HDGFL2: variants seen among roughly 807,000 people sequenced by gnomAD.
HDGFL2 encodes hepatoma-derived growth factor-related protein 2.
In HDGFL2, 36 loss-of-function variants were observed where a neutral mutation model predicts 77.1. That is an observed-to-expected ratio of 0.47 (90% CI 0.36 to 0.62). The LOEUF (loss-of-function observed/expected upper bound fraction) is 0.62, where lower values mean the gene tolerates loss of function less well. Among genes scored for constraint, HDGFL2 ranks in the 20% least tolerant of loss-of-function variants. The probability of loss-of-function intolerance (pLI) is 0.00; values close to 1 mark genes in which losing one functional copy is unlikely to be tolerated. For synonymous variants in HDGFL2, 463 were observed against 413.1 expected (o/e 1.12, Z -1.46); for missense variants, 976 against 973.4 (o/e 1.00, Z -0.04).
At chr19:4,493,325 G>A (rs1975599462) in intron 6 of HDGFL2, among the ~76,000 whole-genome samples, 1 of 148,172 alleles carries the variant, frequency 6.7e-6, no homozygotes, top group Admixed American at 6.8e-5. Flanking sequence ...GTCTGTGTGT[G>A]GCGTGTGTGT....
Position 4,501,258 on chromosome 19 carries a change from C to T in HDGFL2, c.1857C>T (p.His619=), listed in dbSNP as rs748625705. ...QKGESAEDKE[H]EEGRDSEEGP... is the part of the protein sequence containing the mutation. ...GGGAGAGCGCAGAGGACAAGGAGCA[C>T]GAGGAGGGTCGGGACTCGGAGGAGG... is the stretch of plus-strand genomic sequence containing the variant. The change falls in exon 15 of 16, where the codon CAC becomes CAT. Residue 619 remains histidine (H), a synonymous_variant. Transcript: ENST00000616600. 8.7e-6 allele frequency: 14 copies of T among 1,613,298 alleles called. No homozygotes were observed. The highest frequency in any genetic ancestry group is 4.5e-5 in the East Asian group (2 of 44,874).
intron 3 of HDGFL2, among the ~76,000 whole-genome samples, chr19:4,476,485 G>C (rs529452939): frequency 6.6e-6 from 1 of 151,870 alleles, no homozygotes; most frequent in African/African-American, 2.4e-5. Flanking sequence ...GAGCCACTGC[G>C]CTTGGCCAGC....
At chr19:4,498,595 G>A (rs1975771308) in intron 12 of HDGFL2, among the ~76,000 whole-genome samples, 1 of 152,082 alleles carries the variant, frequency 6.6e-6, no homozygotes, top group South Asian at 2.1e-4. Context: ...CAGGTGGTGT[G>A]TGGAGGCCCC....
At chr19:4,481,171 C>G (rs1167986262) in intron 3 of HDGFL2, among the ~76,000 whole-genome samples, 50 of 140,268 alleles carry the variant, frequency 3.6e-4, no homozygotes, top group African/African-American at 5.0e-4. Context: ...ACAGGCGTCC[C>G]CCACCACGCC....
chr19:4,477,846 C>G (rs927182588), intron 3 of HDGFL2, among the ~76,000 whole-genome samples: 1 of 152,110 alleles, frequency 6.6e-6, no homozygotes, highest in African/African-American at 2.4e-5. Flanking sequence ...CTTTGGGAGG[C>G]TGTGGCTGGT....
chr19:4,490,230 G>A (rs896022249), intron 4 of HDGFL2, among the ~76,000 whole-genome samples: 1 of 152,188 alleles, frequency 6.6e-6, no homozygotes, highest in East Asian at 1.9e-4. Context: ...TGGGATTACA[G>A]GGGCCCGCTA....
At chr19:4,490,864 T>C (rs1182817713) in intron 4 of HDGFL2, among the ~76,000 whole-genome samples, 3 of 150,038 alleles carry the variant, frequency 2.0e-5, no homozygotes, top group Non-Finnish European at 4.4e-5. Context: ...CAGGCTGGAG[T>C]GTGATGGCGC....
At position 4,501,972 on chromosome 19, in the gene HDGFL2, G is replaced by A; in HGVS notation, c.1978G>A (p.Ala660Thr). Residue 660 changes from alanine to threonine, a missense_variant, in exon 16 of 16, where the codon GCA becomes ACA. Physicochemically the swap from Ala to Thr is moderately conservative, Grantham distance 58. Around this residue, in one of 5 missense-constraint regions of HDGFL2, gnomAD observed 229 missense variants for 187.3 expected, o/e 1.22. Coordinates refer to ENST00000616600, the MANE Select transcript of HDGFL2 (RefSeq NM_001001520.3). Reference protein sequence around the residue: ...PGSDRQERERARGDSEALDEE... With the variant: ...PGSDRQERERTRGDSEALDEE... ...GAGCGACCGGCAGGAGCGCGAGAGG[G>A]CACGGGGGGACTCGGAGGCCCTGGA... 6.6e-7 allele frequency: 1 copy of A among 1,512,444 alleles called. No homozygotes were observed. Among genetic ancestry groups the A allele is most frequent in the Admixed American group, 2.4e-5 (1 of 40,950 alleles). The allele number at this position is 1,512,444 out of a possible 1,614,324, so 93.7% of individuals were successfully genotyped here.
At chr19:4,484,419 T>G (rs371973863) in intron 3 of HDGFL2, among the ~76,000 whole-genome samples, 6 of 152,210 alleles carry the variant, frequency 3.9e-5, no homozygotes, top group African/African-American at 1.4e-4. Context: ...TCGAGATAAC[T>G]TCACCATTTT....
At chr19:4,487,532 C>T (rs1030705477) in intron 3 of HDGFL2, among the ~76,000 whole-genome samples, 1 of 152,184 alleles carries the variant, frequency 6.6e-6, no homozygotes, top group Non-Finnish European at 1.5e-5. Flanking sequence ...GCTGGGATTA[C>T]AGGCGTGAGC....
Position 4,483,250 on chromosome 19 carries a change from C to T in HDGFL2, c.289-5426C>T, listed in dbSNP as rs138262497. 7.4e-3 allele frequency among the ~76,000 whole-genome samples: 1,130 copies of T among 152,298 alleles called. 17 individuals are homozygous for T. The highest frequency in any genetic ancestry group is 0.026 in the African/African-American group (1,064 of 41,562). ...GGCCGAGCGGTGACGCTTCACCACA[C>T]CCGGTTCTCGTTTTCCTTGTGTGCT... On this transcript the variant is annotated intron_variant, in intron 3 of 15. Coordinates refer to ENST00000616600, the MANE Select transcript of HDGFL2 (RefSeq NM_001001520.3).
chr19:4,497,944 G>GC lies in HDGFL2; in HGVS notation c.1329-13dup. 6.4e-7 allele frequency: 1 copy of GC among 1,550,958 alleles called. No individual in the cohort carries two copies. Among genetic ancestry groups the GC allele is most frequent in the Non-Finnish European group, 8.7e-7 (1 of 1,146,524 alleles). ...CGGTGACGGGGCCCGACTGAGGGGAGCACTTCTCCACAGGCCCGTGAAGGT... is the reference window on the plus strand; with the variant it reads ...CGGTGACGGGGCCCGACTGAGGGGAGCCACTTCTCCACAGGCCCGTGAAGGT... On this transcript the variant is annotated splice_polypyrimidine_tract_variant and intron_variant, in intron 10 of 15. Coordinates refer to ENST00000616600, the MANE Select transcript of HDGFL2 (RefSeq NM_001001520.3).
At chr19:4,479,184 G>C (rs1410144447) in intron 3 of HDGFL2, among the ~76,000 whole-genome samples, 3 of 151,846 alleles carry the variant, frequency 2.0e-5, no homozygotes, top group Admixed American at 6.6e-5. Flanking sequence ...GATTAGCCGG[G>C]CTCACGCCTG....
In HDGFL2 at chr19:4,472,300, C is replaced by A. The variant is rs775146942; in HGVS notation, c.-51C>A. On this transcript the variant is annotated 5_prime_UTR_variant, in exon 1 of 16. Coordinates refer to ENST00000616600, the MANE Select transcript of HDGFL2 (RefSeq NM_001001520.3). Reference sequence around the variant, plus strand: ...CTGCCGCCGCCGCCGCCGCCGCAGCCGCTACCGCCGCTGCAGCCGCTTTCC... The same window carrying A: ...CTGCCGCCGCCGCCGCCGCCGCAGCAGCTACCGCCGCTGCAGCCGCTTTCC... 1.5e-5 allele frequency: 20 copies of A among 1,365,884 alleles called. No homozygotes were observed. In the Admixed American group the frequency reaches 4.1e-4, roughly 28 times the overall value. 84.6% of individuals were successfully genotyped at this position (1,365,884 alleles called of 1,614,324 possible).
chr19:4,477,480 C>T (rs1220523927), intron 3 of HDGFL2, among the ~76,000 whole-genome samples: 1 of 152,156 alleles, frequency 6.6e-6, no homozygotes, highest in African/African-American at 2.4e-5. Flanking sequence ...CTGTGCCTGT[C>T]CCCAGCCTGG....
At chr19:4,483,610 C>T (rs1205497439) in intron 3 of HDGFL2, among the ~76,000 whole-genome samples, 1 of 152,068 alleles carries the variant, frequency 6.6e-6, no homozygotes, top group African/African-American at 2.4e-5. Context: ...GTGGGCCTTA[C>T]TCTGCCTGTC....
intron 3 of HDGFL2, among the ~76,000 whole-genome samples, chr19:4,481,412 G>C: frequency 6.6e-6 from 1 of 152,106 alleles, no homozygotes; most frequent in Non-Finnish European, 1.5e-5. Context: ...GGATGGTCTC[G>C]ATCTCCCGAC....
At chr19:4,475,976 G>A (rs1263680728) in intron 3 of HDGFL2, among the ~76,000 whole-genome samples, 2 of 149,848 alleles carry the variant, frequency 1.3e-5, no homozygotes, top group Admixed American at 6.7e-5. Flanking sequence ...TGCAAGCTCC[G>A]CCTCCTGTAT....
chr19:4,501,684 T>G (rs187392792), intron 15 of HDGFL2: 1 of 500,750 alleles, frequency 2.0e-6, no homozygotes, highest in Non-Finnish European at 3.5e-6. Context: ...GTGGAGTCAC[T>G]CACTTACCCA....
Sources: gnomAD v4.1 joint callset for allele counts (sites outside exome capture counted in the v4.1 genomes callset) on GRCh38, gnomAD v4.1.1 for gene constraint, gnomAD v4.1.1 regional missense constraint, MANE v1.5 for transcripts, NCBI Gene and HGNC (gene_info 2026-07-23, HGNC 2026-07-21) for gene names.